The following CSMD1 variants were observed in gnomAD, a reference collection of about 807,000 sequenced individuals.
CSMD1 encodes CUB and sushi domain-containing protein 1.
In CSMD1, 213 loss-of-function variants were observed where a neutral mutation model predicts 417.5. That is an observed-to-expected ratio of 0.51 (90% CI 0.46 to 0.57). The LOEUF (loss-of-function observed/expected upper bound fraction) is 0.57. CSMD1 is among the 20% of genes least tolerant of loss of function. CSMD1 has a pLI of 0.00. For missense variants in CSMD1, 6,923 were observed against 4,529.7 expected, an observed-to-expected ratio of 1.53 and a Z score of -15.17; for synonymous variants, 2,862 against 1,736.8, an observed-to-expected ratio of 1.65 and a Z score of -16.11.
intron 7 of CSMD1, among the ~76,000 whole-genome samples, chr8:3,650,975 C>T (rs1797825106): frequency 6.6e-6 from 1 of 152,158 alleles, no homozygotes; most frequent in African/African-American, 2.4e-5. Flanking sequence ...ATAGTAAACA[C>T]CTTTATCTTT....
chr8:3,335,702 T>C (rs1807214069), intron 23 of CSMD1, among the ~76,000 whole-genome samples: 1 of 152,012 alleles, frequency 6.6e-6, no homozygotes, highest in African/African-American at 2.4e-5. Context: ...TAAATAAAGG[T>C]TAATGGTAAC....
chr8:3,395,556 ATGT>A (rs1271441775), intron 17 of CSMD1, among the ~76,000 whole-genome samples: 1 of 152,244 alleles, frequency 6.6e-6, no homozygotes, highest in East Asian at 1.9e-4. Context: ...AAAACTTTCC[ATGT>A]GGAAGTTTGG....
chr8:4,196,828 G>T (rs577064309), intron 3 of CSMD1, among the ~76,000 whole-genome samples: 1 of 152,090 alleles, frequency 6.6e-6, no homozygotes, highest in African/African-American at 2.4e-5. Context: ...TGAACACACT[G>T]GGGGTGATAT....
intron 5 of CSMD1, among the ~76,000 whole-genome samples, chr8:3,920,177 G>C (rs1016088445): frequency 6.6e-6 from 1 of 152,064 alleles, no homozygotes; most frequent in African/African-American, 2.4e-5. Context: ...GGGACTACAG[G>C]TGTGTGCCAG....
chr8:3,495,327 G>C (rs187661259), intron 10 of CSMD1, among the ~76,000 whole-genome samples: 2 of 152,122 alleles, frequency 1.3e-5, no homozygotes, highest in African/African-American at 4.8e-5. Context: ...ACTCAGTCCT[G>C]ACTTGTTTAA....
At chr8:4,426,708 GTAA>G (rs1342431199) in intron 2 of CSMD1, among the ~76,000 whole-genome samples, 1 of 146,150 alleles carries the variant, frequency 6.8e-6, no homozygotes, top group African/African-American at 2.5e-5. Context: ...ATATAATGCA[GTAA>G]TATTTTATTA....
intron 2 of CSMD1, among the ~76,000 whole-genome samples, chr8:4,502,117 A>G (rs1178826745): frequency 6.6e-6 from 1 of 152,134 alleles, no homozygotes; most frequent in Non-Finnish European, 1.5e-5. Context: ...CAATCTCTAA[A>G]TTTCTAATTA....
intron 49 of CSMD1, among the ~76,000 whole-genome samples, chr8:3,080,250 G>A (rs946745294): frequency 6.6e-6 from 1 of 152,146 alleles, no homozygotes; most frequent in African/African-American, 2.4e-5. Context: ...ATAATACAGA[G>A]AATTTCAGTT....
chr8:4,532,778 AT>A (rs1796897933), intron 2 of CSMD1, among the ~76,000 whole-genome samples: 3 of 148,934 alleles, frequency 2.0e-5, no homozygotes, highest in African/African-American at 7.5e-5. Context: ...CGGAAGAGAA[AT>A]CGTGCACCCC....
At chr8:4,101,977 G>A (rs533818739) in intron 3 of CSMD1, among the ~76,000 whole-genome samples, 7 of 152,324 alleles carry the variant, frequency 4.6e-5, no homozygotes, top group African/African-American at 1.7e-4. Context: ...TGAATCCCAT[G>A]GTGTTGGGGA....
chr8:4,576,008 T>C (rs7842102), intron 2 of CSMD1, among the ~76,000 whole-genome samples: 30,031 of 152,192 alleles, frequency 0.2, 3,095 homozygotes, highest in African/African-American at 0.23. Context: ...CCGTGATCTC[T>C]TGGGTGGAAA....
intron 1 of CSMD1, among the ~76,000 whole-genome samples, chr8:4,960,450 T>A (rs1353304538): frequency 6.6e-6 from 1 of 152,220 alleles, no homozygotes; most frequent in South Asian, 2.1e-4. Flanking sequence ...ACCTGGCATG[T>A]GCTGGGGATA....
intron 3 of CSMD1, among the ~76,000 whole-genome samples, chr8:4,132,396 G>C (rs900644077): frequency 2.0e-5 from 3 of 151,758 alleles, no homozygotes; most frequent in African/African-American, 4.8e-5. Context: ...TCTCTAGTAT[G>C]GTGTCTGAAA....
rs769889967 is a variant in CSMD1, at chr8:3,096,972, C to T, written c.7015G>A (p.Gly2339Ser). ...SGVILSPGYP[G>S]NYFNSQTCSW... Reference sequence around the variant, plus strand: ...CAAGTCTGGGAGTTAAAATAATTACCCGGATACCCTGGACTGAGAATGACT... The same window carrying T: ...CAAGTCTGGGAGTTAAAATAATTACTCGGATACCCTGGACTGAGAATGACT... Residue 2339 changes from glycine (G) to serine (S), a missense_variant, in exon 47 of 70, where the codon GGT becomes AGT. Transcript: ENST00000635120. 1 of 1,555,382 alleles carries T rather than the reference C, an allele frequency of 6.4e-7. No homozygotes were observed.
intron 24 of CSMD1, 41 bp from the exon 25 acceptor site, chr8:3,307,862 C>G: frequency 6.3e-7 from 1 of 1,593,846 alleles, no homozygotes; most frequent in Non-Finnish European, 8.5e-7. Context: ...CAGCTTCAGG[C>G]ATCACATGTT....
intron 1 of CSMD1, among the ~76,000 whole-genome samples, chr8:4,915,431 T>C (rs992516464): frequency 3.3e-5 from 5 of 152,208 alleles, no homozygotes; most frequent in African/African-American, 9.6e-5. Context: ...TTGTCGAGTA[T>C]AGATTGGAAA....
intron 1 of CSMD1, among the ~76,000 whole-genome samples, chr8:4,846,158 G>A (rs1395704687): frequency 6.6e-6 from 1 of 152,150 alleles, no homozygotes; most frequent in Non-Finnish European, 1.5e-5. Context: ...ATACTATTGT[G>A]TATGAAAACT....
At chr8:2,966,479 A>T in intron 58 of CSMD1, 91 bp downstream of exon 58, 1 of 1,141,922 alleles carries the variant, frequency 8.8e-7, no homozygotes, top group Middle Eastern at 2.0e-4. Flanking sequence ...TAAAAATAAA[A>T]AAACAGTATA....
intron 5 of CSMD1, among the ~76,000 whole-genome samples, chr8:3,915,427 AAG>A (rs1808751609): frequency 6.9e-6 from 1 of 145,786 alleles, no homozygotes. Context: ...AAAAAAAAAA[AAG>A]AGTTTAGCAT....
Sources: allele counts gnomAD v4.1 joint callset (sites outside exome capture counted in the v4.1 genomes callset), GRCh38; gene constraint gnomAD v4.1.1; transcripts MANE v1.5; gene names NCBI Gene and HGNC (gene_info 2026-07-23, HGNC 2026-07-21).